CHRNA1: variants seen among roughly 807,000 people sequenced by gnomAD.
CHRNA1 encodes the protein cholinergic receptor nicotinic alpha 1 subunit, also known as acetylcholine receptor subunit alpha.
A neutral mutation model predicts 47.1 loss-of-function variants in CHRNA1; 35 were observed. That is an observed-to-expected ratio of 0.74 (90% CI 0.57 to 0.99). CHRNA1 has a LOEUF of 0.99. Among genes scored for constraint, CHRNA1 ranks in the 50% least tolerant of loss-of-function variants. The probability of loss-of-function intolerance (pLI) is 0.00; values close to 1 mark genes in which losing one functional copy is unlikely to be tolerated. For missense variants in CHRNA1, 506 were observed against 591.1 expected, an observed-to-expected ratio of 0.86 and a Z score of 1.49; for synonymous variants, 229 against 223.6, an observed-to-expected ratio of 1.02 and a Z score of -0.22.
chr2:174,762,603 G>A (rs1039481677), intron 1 of CHRNA1, among the ~76,000 whole-genome samples: 1 of 152,196 alleles, frequency 6.6e-6, no homozygotes, highest in Non-Finnish European at 1.5e-5. Flanking sequence ...CTGTGAACAA[G>A]TTGGAAAGTG....
chr2:174,751,483 A>G (rs1015971088), intron 6 of CHRNA1, among the ~76,000 whole-genome samples: 2 of 152,214 alleles, frequency 1.3e-5, no homozygotes, highest in African/African-American at 4.8e-5. Flanking sequence ...GAAACAAACA[A>G]GAAATTGTCA....
intron 6 of CHRNA1, chr2:174,753,178 C>A (rs2105347383): frequency 1.0e-5 from 6 of 578,970 alleles, no homozygotes; most frequent in South Asian, 6.0e-5. Flanking sequence ...GGATCACATG[C>A]CTTACCCAGT....
chr2:174,759,600 C>G lies in CHRNA1; in HGVS notation c.77G>C (p.Arg26Pro). 1 of 1,613,908 alleles carries G rather than the reference C, an allele frequency of 6.2e-7. No individual in the cohort carries two copies. Among genetic ancestry groups the G allele is most frequent in the South Asian group, 1.1e-5 (1 of 91,074 alleles). ...GTCTTTAAATAGCTTTGCCACCAGA[C>G]GGGTCTCATGTTCGGAGCCCAGGAC... The part of the protein sequence containing the change: ...GLVLGSEHET[R>P]LVAKLFKDYS... Residue 26 changes from arginine to proline, a missense_variant, in exon 2 of 9, where the codon CGT (arginine) becomes CCT (proline). Physicochemically the swap from Arg to Pro is moderately radical, Grantham distance 103. Transcript: ENST00000348749.
chr2:174,757,710 A>G (rs767683848), intron 3 of CHRNA1, 35 bp from the exon 4 acceptor site: 1 of 1,562,062 alleles, frequency 6.4e-7, no homozygotes, highest in Non-Finnish European at 8.8e-7. Context: ...TTAAAAAGCC[A>G]AAAACACTTT....
In CHRNA1 at chr2:174,753,507, G is replaced by A; in HGVS notation, c.774C>T (p.Asp258=). The change falls in exon 6 of 9, where the codon GAC becomes GAT. Residue 258 remains aspartate, a synonymous_variant. Transcript: ENST00000348749. The part of the protein sequence containing the change: ...LTGLVFYLPT[D]SGEKMTLSIS... Reference sequence around the variant, plus strand: ...AGTCATGGCAACCACACCCACCTGAGTCTGTGGGCAGGTAGAATACCAGGC... The same window carrying A: ...AGTCATGGCAACCACACCCACCTGAATCTGTGGGCAGGTAGAATACCAGGC... The A allele has an allele frequency of 6.2e-7, 1 of 1,613,284 alleles. No homozygotes were observed. Among genetic ancestry groups the A allele is most frequent in the Non-Finnish European group, 8.5e-7 (1 of 1,179,186 alleles).
chr2:174,755,660 T>C (rs980678219), intron 4 of CHRNA1, among the ~76,000 whole-genome samples: 4 of 152,082 alleles, frequency 2.6e-5, no homozygotes, highest in Non-Finnish European at 5.9e-5. Context: ...CCTTGTGATC[T>C]GCCCGCCTCA....
At position 174,748,237 on chromosome 2, in the gene CHRNA1, AC is replaced by A; in HGVS notation, c.1260del (p.Lys420AsnfsTer6). 1.2e-6 allele frequency: 2 copies of A among 1,614,136 alleles called. No homozygotes were observed. Among genetic ancestry groups the A allele is most frequent in the Non-Finnish European group, 8.5e-7 (1 of 1,180,026 alleles). On this transcript the variant is annotated frameshift_variant, in exon 9 of 9. Coordinates refer to ENST00000348749, the MANE Select transcript of CHRNA1 (RefSeq NM_000079.4). LOFTEE classifies it high-confidence loss of function. ...ATGTGGTCCATCACCATTGCAACGT[AC>A]TTCCACTCTGCCGCCGCCTGGGAGA... ...QESNNAAAEW[K>X]YVAMVMDHIL...
rs753613192 is a variant in CHRNA1 at position 174,754,322 on chromosome 2, C to T, written c.437G>A (p.Ser146Asn). The change falls in exon 5 of 9, where the codon AGC becomes AAC. Residue 146 changes from serine (S) to asparagine (N), a missense_variant. Physicochemically the swap from Ser to Asn is conservative, Grantham distance 46 (BLOSUM62 1). Coordinates refer to ENST00000348749, the MANE Select transcript of CHRNA1 (RefSeq NM_000079.4). ...GTGGGTGACGATGATCTCACAGTAG[C>T]TTTTAAAGATGGCTGGAGGTGTCCA... is the stretch of plus-strand genomic sequence containing the variant. Reference protein sequence around the residue: ...ITWTPPAIFKSYCEIIVTHFP... With the variant: ...ITWTPPAIFKNYCEIIVTHFP... 1 of 1,614,190 alleles carries T rather than the reference C, an allele frequency of 6.2e-7. No homozygotes were observed. The highest frequency in any genetic ancestry group is 8.5e-7 in the Non-Finnish European group (1 of 1,180,040).
chr2:174,753,357 C>T (rs575920001), intron 6 of CHRNA1, 146 bp downstream of exon 6: 13 of 856,744 alleles, frequency 1.5e-5, no homozygotes, highest in African/African-American at 1.2e-4. Context: ...CCACTGCGCA[C>T]GCCCACTCAG....
chr2:174,752,016 A>G (rs1683863777), intron 6 of CHRNA1, among the ~76,000 whole-genome samples: 1 of 151,968 alleles, frequency 6.6e-6, no homozygotes, highest in Non-Finnish European at 1.5e-5. Context: ...TTTAACGTTT[A>G]TAGAGACTCT....
At chr2:174,749,851 T>C in intron 7 of CHRNA1, 95 bp downstream of exon 7, 3 of 1,089,314 alleles carry the variant, frequency 2.8e-6, no homozygotes, top group Non-Finnish European at 4.2e-6. Flanking sequence ...AGTTCCTAAA[T>C]AGCCCCAAGT....
rs759020321 is a variant in CHRNA1 at position 174,754,303 on chromosome 2, G to A, written c.456C>T (p.Val152=). The change falls in exon 5 of 9, where the codon GTC becomes GTT. Residue 152 remains valine, a synonymous_variant. Transcript: ENST00000348749. ...AIFKSYCEII[V]THFPFDEQNC... ...TCTGTTCATCAAAGGGAAAGTGGGTGACGATGATCTCACAGTAGCTTTTAA... is the reference window on the plus strand; with the variant it reads ...TCTGTTCATCAAAGGGAAAGTGGGTAACGATGATCTCACAGTAGCTTTTAA... 13 of 1,614,232 alleles carry A rather than the reference G, an allele frequency of 8.1e-6. No homozygotes were observed. Among genetic ancestry groups the A allele is most frequent in the Non-Finnish European group, 1.0e-5 (12 of 1,180,042 alleles).
intron 3 of CHRNA1, among the ~76,000 whole-genome samples, chr2:174,758,883 G>A (rs1684035812): frequency 6.6e-6 from 1 of 151,844 alleles, no homozygotes; most frequent in African/African-American, 2.4e-5. Flanking sequence ...AGATATATAT[G>A]TATTTAAATA....
In CHRNA1 at chr2:174,759,332, T is replaced by G; in HGVS notation, c.233A>C (p.Gln78Pro). The G allele has an allele frequency of 6.2e-7, 1 of 1,614,126 alleles. No homozygotes were observed. Among genetic ancestry groups the G allele is most frequent in the Non-Finnish European group, 8.5e-7 (1 of 1,179,972 alleles). ...QIVTTNVRLK[Q>P]QWVDYNLKWN... ...CATGCAATTATCTGGCTAAGTTACC[T>G]GTTTCAGACGCACATTGGTTGTCAC... Residue 78 changes from glutamine (Q) to proline (P), a missense_variant and splice_region_variant, in exon 3 of 9, where the codon CAG (glutamine) becomes CCG (proline). Coordinates refer to ENST00000348749, the MANE Select transcript of CHRNA1 (RefSeq NM_000079.4).
chr2:174,764,277 G>C (rs1307820696), intron 1 of CHRNA1, 75 bp downstream of exon 1: 4 of 1,483,576 alleles, frequency 2.7e-6, no homozygotes, highest in East Asian at 4.8e-5. Flanking sequence ...AAAGAAGCAA[G>C]ACTTTGATTT....
intron 4 of CHRNA1, among the ~76,000 whole-genome samples, chr2:174,755,893 G>A (rs769129244): frequency 4.6e-5 from 7 of 152,058 alleles, no homozygotes; most frequent in Admixed American, 2.0e-4. Context: ...AAAAATTAGC[G>A]AGGCATGGTG....
chr2:174,763,748 TA>T (rs201763871), intron 1 of CHRNA1, among the ~76,000 whole-genome samples: 312 of 145,450 alleles, frequency 2.1e-3, no homozygotes, highest in East Asian at 3.0e-3. Context: ...AGTAACATCT[TA>T]AAAAAAAAAA....
chr2:174,757,496 G>A (rs1387723624), intron 4 of CHRNA1, 70 bp downstream of exon 4: 2 of 1,084,450 alleles, frequency 1.8e-6, no homozygotes, highest in Non-Finnish European at 2.9e-6. Flanking sequence ...CGAGCGCGCA[G>A]CCCTTCTATT....
At chr2:174,761,958 A>G (rs1684108994) in intron 1 of CHRNA1, among the ~76,000 whole-genome samples, 2 of 152,232 alleles carry the variant, frequency 1.3e-5, no homozygotes, top group Non-Finnish European at 2.9e-5. Flanking sequence ...TTTGACAGGA[A>G]GAACATATTA....
Sources: allele counts gnomAD v4.1 joint callset (sites outside exome capture counted in the v4.1 genomes callset), GRCh38; gene constraint gnomAD v4.1.1; transcripts MANE v1.5; gene names NCBI Gene and HGNC (gene_info 2026-07-23, HGNC 2026-07-21).